Variants in SMOX observed in about 807,000 individuals in gnomAD.
The protein encoded by SMOX is spermine oxidase, also known as flavin containing amine oxidase.
SMOX carries 22 observed loss-of-function variants against 51.0 expected under a neutral mutation model. The ratio of observed to expected loss-of-function variants is 0.43; its 90% CI spans 0.31 to 0.62. The LOEUF is 0.62. Ranked by LOEUF, SMOX falls within the 20% of genes least tolerant of loss-of-function variation. The pLI is 0.10. For synonymous variants in SMOX, 282 were observed against 307.8 expected (o/e 0.92, Z 0.88); for missense variants, 566 against 777.7 (o/e 0.73, Z 3.24).
intron 2 of SMOX, among the ~76,000 whole-genome samples, chr20:4,176,552 T>A (rs149335715): frequency 1.3e-5 from 2 of 152,292 alleles, no homozygotes; most frequent in East Asian, 3.9e-4. Flanking sequence ...ATTTCTATTT[T>A]CCTTTCATTG....
At chr20:4,168,544 T>C (rs2122488101) in intron 1 of SMOX, among the ~76,000 whole-genome samples, 1 of 151,990 alleles carries the variant, frequency 6.6e-6, no homozygotes, top group East Asian at 1.9e-4. Context: ...GGTAGGAGTT[T>C]TGTCTCTCTC....
intron 2 of SMOX, among the ~76,000 whole-genome samples, chr20:4,175,891 G>C (rs898682167): frequency 7.0e-6 from 1 of 143,352 alleles, no homozygotes; most frequent in African/African-American, 2.5e-5. Context: ...CTTCCCAACT[G>C]GCGGGGGAGG....
chr20:4,176,788 G>A (rs1322289616), intron 2 of SMOX, among the ~76,000 whole-genome samples: 1 of 152,140 alleles, frequency 6.6e-6, no homozygotes, highest in African/African-American at 2.4e-5. Flanking sequence ...TTTTTGTACT[G>A]TGTCAAAGGA....
chr20:4,154,360 C>T (rs948345565), intron 1 of SMOX, among the ~76,000 whole-genome samples: 1 of 148,412 alleles, frequency 6.7e-6, no homozygotes, highest in African/African-American at 2.6e-5. Flanking sequence ...AGGCCTGTGA[C>T]TCCGCATTTC....
At chr20:4,154,195 C>T (rs548110487) in intron 1 of SMOX, among the ~76,000 whole-genome samples, 1 of 152,176 alleles carries the variant, frequency 6.6e-6, no homozygotes, top group South Asian at 2.1e-4. Flanking sequence ...TTCAGTAGAC[C>T]CTGGGGAGCC....
At chr20:4,178,430 C>A (rs1262414599) in intron 3 of SMOX, among the ~76,000 whole-genome samples, 4 of 152,154 alleles carry the variant, frequency 2.6e-5, no homozygotes, top group Non-Finnish European at 5.9e-5. Flanking sequence ...TGCCTTATTG[C>A]ACTGGTTAGT....
chr20:4,170,017 C>T lies in SMOX; in HGVS notation c.-26-5013C>T, dbSNP rs1198263631. 6.6e-6 allele frequency among the ~76,000 whole-genome samples: 1 copy of T among 152,078 alleles called. No homozygotes were observed. The highest frequency in any genetic ancestry group is 1.5e-5 in the Non-Finnish European group (1 of 68,024). On this transcript the variant is annotated intron_variant, in intron 1 of 6. Transcript: ENST00000305958. This position sits in a 1 kb window ranked among gnomAD's most constrained non-coding sequence, Gnocchi z 4.6. Reference sequence around the variant, plus strand: ...CAAGGCTGACATGCAGAGATCTTCCCCAGGCCTGCTACATAGTAGGTGCTC... The same window carrying T: ...CAAGGCTGACATGCAGAGATCTTCCTCAGGCCTGCTACATAGTAGGTGCTC...
rs139610866 is a variant in SMOX at position 4,180,315 on chromosome 20, C to T, written c.436-1488C>T. On this transcript the variant is annotated intron_variant, in intron 3 of 6. Transcript: ENST00000305958. ...CCCTTGAGTGAGATGGTGGTGGTGG[C>T]GGGTGGTGGACATCACTGTGCTTTG... Among the ~76,000 whole-genome samples the T allele has an allele frequency of 8.8e-3, 1,333 of 152,290 alleles. 13 individuals are homozygous for T. Among genetic ancestry groups the T allele is most frequent in the South Asian group, 0.023 (112 of 4,816 alleles).
rs549249749 is a variant in SMOX, at chr20:4,157,877, G to T, written c.-27+8900G>T. 2.6e-5 allele frequency among the ~76,000 whole-genome samples: 4 copies of T among 152,182 alleles called. No homozygotes were observed. The South Asian group carries it at 6.2e-4, about 24-fold the overall frequency. On this transcript the variant is annotated intron_variant, in intron 1 of 6. Coordinates refer to ENST00000305958, the MANE Select transcript of SMOX (RefSeq NM_175839.3). ...AGGCTCTTTGTTCAGCAGCTCAGGT[G>T]GGGGAGATGGGCTGTGGTATTTTTT...
At chr20:4,152,876 G>A (rs1030925310) in intron 1 of SMOX, among the ~76,000 whole-genome samples, 1 of 152,190 alleles carries the variant, frequency 6.6e-6, no homozygotes, top group Admixed American at 6.5e-5. Flanking sequence ...CAGACGGGAG[G>A]ACTGAGTCAT....
At chr20:4,164,986 T>A (rs1219438979) in intron 1 of SMOX, among the ~76,000 whole-genome samples, 1 of 148,644 alleles carries the variant, frequency 6.7e-6, no homozygotes. Flanking sequence ...CAGGTGATCC[T>A]CCCACCTTAG....
chr20:4,160,215 G>A (rs896741238), intron 1 of SMOX, among the ~76,000 whole-genome samples: 1 of 152,198 alleles, frequency 6.6e-6, no homozygotes, highest in Admixed American at 6.5e-5. Context: ...AAAGCAGGTA[G>A]CTTCCCGGTG....
intron 1 of SMOX, among the ~76,000 whole-genome samples, chr20:4,163,106 C>G (rs1378823302): frequency 2.6e-5 from 4 of 152,076 alleles, no homozygotes; most frequent in African/African-American, 9.7e-5. Flanking sequence ...GCCTCTTCCT[C>G]TCCGGCACTG....
intron 1 of SMOX, among the ~76,000 whole-genome samples, chr20:4,152,280 G>A (rs1436818391): frequency 6.6e-6 from 1 of 152,018 alleles, no homozygotes; most frequent in Non-Finnish European, 1.5e-5. Flanking sequence ...CAAGATGTGG[G>A]CAGCCTGGGC....
rs1261824433 is a variant in SMOX, at chr20:4,182,633, A to G, written c.1154A>G (p.Gln385Arg). The G allele has an allele frequency of 3.1e-6, 5 of 1,613,922 alleles. No homozygotes were observed. The highest frequency in any genetic ancestry group is 1.1e-5 in the South Asian group (1 of 91,060). The change falls in exon 5 of 7, where the codon CAG (glutamine) becomes CGG (arginine). Residue 385 changes from glutamine (Q) to arginine (R), a missense_variant. This residue lies in a region of SMOX where 347 missense variants were observed against 481.8 expected (regional missense o/e 0.72). Transcript: ENST00000305958. This position sits in a 1 kb window ranked among gnomAD's most constrained non-coding sequence, Gnocchi z 8.4. ...TGGGGCCCTGAGTGCAACAGCCTACAGTTTGTGTGGGAGGACGAAGCAGAG... is the reference window on the plus strand; with the variant it reads ...TGGGGCCCTGAGTGCAACAGCCTACGGTTTGTGTGGGAGGACGAAGCAGAG... ...PFWGPECNSLQFVWEDEAESH... is the reference protein window; with the variant it reads ...PFWGPECNSLRFVWEDEAESH...
chr20:4,162,035 C>T (rs998426329), intron 1 of SMOX, among the ~76,000 whole-genome samples: 3 of 152,190 alleles, frequency 2.0e-5, no homozygotes, highest in African/African-American at 2.4e-5. Flanking sequence ...CCTGTGCCTG[C>T]CCCGCCCCCT....
intron 1 of SMOX, among the ~76,000 whole-genome samples, chr20:4,156,977 A>C (rs1455274230): frequency 6.6e-6 from 1 of 152,166 alleles, no homozygotes; most frequent in Non-Finnish European, 1.5e-5. Context: ...TCCTGGCCTC[A>C]GGTGATCTGC....
At chr20:4,174,233 A>G (rs973328967) in intron 1 of SMOX, among the ~76,000 whole-genome samples, 2 of 152,154 alleles carry the variant, frequency 1.3e-5, no homozygotes, top group Non-Finnish European at 2.9e-5. Context: ...GAGAAGGGGC[A>G]AGGGAAAGAG....
At chr20:4,161,500 T>C (rs1395410027) in intron 1 of SMOX, among the ~76,000 whole-genome samples, 1 of 152,250 alleles carries the variant, frequency 6.6e-6, no homozygotes. Context: ...TGATGACCAG[T>C]TGACACAGTT....
Sources: allele counts gnomAD v4.1 joint callset (sites outside exome capture counted in the v4.1 genomes callset), GRCh38; gene constraint gnomAD v4.1.1; regional missense constraint gnomAD v4.1.1; non-coding constraint Gnocchi (gnomAD v3.1); transcripts MANE v1.5; gene names NCBI Gene and HGNC (gene_info 2026-07-23, HGNC 2026-07-21).